Variants in NF1 observed in about 807,000 individuals in gnomAD.
NF1 encodes the protein neurofibromin 1.
Under a neutral mutation model 325.7 loss-of-function variants are expected in NF1, and 122 were observed. The observed-to-expected ratio is 0.37, with a 90% CI of 0.32 to 0.44. The LOEUF is 0.44. Ranked by LOEUF, NF1 falls within the 20% of genes least tolerant of loss-of-function variation. NF1 has a pLI of 1.00. For synonymous variants in NF1, 1,091 were observed against 1,186.0 expected (o/e 0.92, Z 1.65); for missense variants, 2,140 against 3,415.4 (o/e 0.63, Z 9.31).
intron 1 of NF1, among the ~76,000 whole-genome samples, chr17:31,105,857 A>G (rs1381464654): frequency 6.6e-6 from 1 of 152,146 alleles, no homozygotes; most frequent in Non-Finnish European, 1.5e-5. Context: ...TGCTCCACCT[A>G]ACTCCCGTGT....
At chr17:31,194,139 G>A (rs1025266243) in intron 8 of NF1, among the ~76,000 whole-genome samples, 2 of 152,136 alleles carry the variant, frequency 1.3e-5, no homozygotes, top group African/African-American at 4.8e-5. Context: ...ATCATCCTAA[G>A]TATCTAACAA....
intron 36 of NF1, among the ~76,000 whole-genome samples, chr17:31,277,504 T>C (rs1346717049): frequency 2.0e-5 from 3 of 152,176 alleles, no homozygotes; most frequent in Admixed American, 2.0e-4. Flanking sequence ...CATAACTACA[T>C]GCTGGACATC....
chr17:31,294,785 CATTA>C, intron 36 of NF1: 1 of 582,184 alleles, frequency 1.7e-6, no homozygotes, highest in Non-Finnish European at 3.0e-6. Flanking sequence ...AAAAGAAACT[CATTA>C]GTTTACTTAA....
chr17:31,366,429 T>C (rs1451228414), intron 57 of NF1, among the ~76,000 whole-genome samples: 1 of 152,210 alleles, frequency 6.6e-6, no homozygotes, highest in Non-Finnish European at 1.5e-5. Flanking sequence ...GCTTCTGTAA[T>C]GTAGACCTTC....
Position 31,352,375 on chromosome 17 carries a change from A to G in NF1, c.7576A>G (p.Met2526Val). 1 of 1,614,144 alleles carries G rather than the reference A, an allele frequency of 6.2e-7. No individual in the cohort carries two copies. The change falls in exon 51 of 58, where the codon ATG (methionine) becomes GTG (valine). Residue 2526 changes from methionine to valine, a missense_variant. Coordinates refer to ENST00000358273, the MANE Select transcript of NF1 (RefSeq NM_001042492.3). Reference sequence around the variant, plus strand: ...AGCCAGGAAATCCATGAGCCTGGACATGGGGCAACCTTCTCAGGCCAACAC... The same window carrying G: ...AGCCAGGAAATCCATGAGCCTGGACGTGGGGCAACCTTCTCAGGCCAACAC... ...PRARKSMSLD[M>V]GQPSQANTKK...
At chr17:31,187,721 C>T (rs1000634585) in intron 8 of NF1, among the ~76,000 whole-genome samples, 20 of 152,180 alleles carry the variant, frequency 1.3e-4, no homozygotes, top group Admixed American at 3.9e-4. Context: ...CACCATCACC[C>T]CTAGTGATCC....
intron 36 of NF1, chr17:31,294,880 G>A (rs570350326): frequency 2.5e-6 from 3 of 1,219,116 alleles, no homozygotes; most frequent in East Asian, 4.8e-5. Flanking sequence ...TTACATCAGA[G>A]TTAGAAATGT....
chr17:31,195,638 G>A (rs573661406), intron 8 of NF1, among the ~76,000 whole-genome samples: 11 of 151,988 alleles, frequency 7.2e-5, no homozygotes, highest in Middle Eastern at 6.8e-3. Context: ...TTTTTGACAT[G>A]GGCTTATTTT....
intron 39 of NF1, chr17:31,331,221 A>G (rs2069478002): frequency 6.6e-6 from 1 of 152,144 alleles, no homozygotes; most frequent in Admixed American, 6.6e-5. Flanking sequence ...GAGATGTAGG[A>G]CTATAACCCT....
chr17:31,341,238 T>A (rs181929082), intron 47 of NF1, among the ~76,000 whole-genome samples: 2 of 152,038 alleles, frequency 1.3e-5, no homozygotes, highest in Admixed American at 1.3e-4. Context: ...AAATATACCA[T>A]TAGTGGCCAG....
intron 1 of NF1, among the ~76,000 whole-genome samples, chr17:31,118,169 G>C (rs945616148): frequency 6.6e-6 from 1 of 152,126 alleles, no homozygotes; most frequent in African/African-American, 2.4e-5. Flanking sequence ...AAGAATTTTT[G>C]TGCCTAGAAA....
intron 47 of NF1, among the ~76,000 whole-genome samples, chr17:31,342,600 TTTGCAAATGGAGCATTGCAAA>T (rs1462535369): frequency 6.6e-6 from 1 of 152,098 alleles, no homozygotes; most frequent in African/African-American, 2.4e-5. Context: ...AAAAAGAATA[TTTGCAAATGGAGCATTGCAAA>T]TGGGGCATCT....
chr17:31,334,018 G>A (rs1021978055), intron 39 of NF1, among the ~76,000 whole-genome samples: 3 of 152,202 alleles, frequency 2.0e-5, no homozygotes, highest in African/African-American at 7.2e-5. Flanking sequence ...CAGGGGTGGT[G>A]GCTCACGCCT....
rs116639896 is a variant in NF1 at position 31,150,755 on chromosome 17, G to T, written c.61-5228G>T. On this transcript the variant is annotated intron_variant, in intron 1 of 57. Transcript: ENST00000358273. ...AGAAAACACAGTGATGCTCCGGCTG[G>T]GCACGGTGGCTCACGCCTGTAATCC... Among the ~76,000 whole-genome samples the T allele has an allele frequency of 4.0e-3, 613 of 152,104 alleles. 5 individuals carry two copies. Among genetic ancestry groups the T allele is most frequent in the African/African-American group, 0.014 (579 of 41,488 alleles).
chr17:31,353,936 T>C (rs2070211999), intron 51 of NF1, among the ~76,000 whole-genome samples: 3 of 152,226 alleles, frequency 2.0e-5, no homozygotes, highest in Non-Finnish European at 4.4e-5. Flanking sequence ...ACTAGCCACA[T>C]AGGTGTGTTA....
At chr17:31,149,281 C>A (rs548451386) in intron 1 of NF1, among the ~76,000 whole-genome samples, 1 of 150,796 alleles carries the variant, frequency 6.6e-6, no homozygotes, top group African/African-American at 2.5e-5. Flanking sequence ...TACATGTACA[C>A]ACACACACAT....
intron 39 of NF1, 92 bp downstream of exon 39, chr17:31,330,590 T>C (rs2069457971): frequency 1.0e-6 from 1 of 984,918 alleles, no homozygotes; most frequent in Non-Finnish European, 1.5e-6. Context: ...GTGAAGACTT[T>C]CACTTACATT....
chr17:31,235,951 G>A lies in NF1; in HGVS notation c.3904G>A (p.Asp1302Asn), dbSNP rs1597722958. Residue 1302 changes from aspartate to asparagine, a missense_variant, in exon 29 of 58, where the codon GAT becomes AAT. By Grantham distance (23) the Asp-to-Asn change is conservative (BLOSUM62 1). Coordinates refer to ENST00000358273, the MANE Select transcript of NF1 (RefSeq NM_001042492.3). ...TGCTACCTATCTACAAAAACTCCTG[G>A]ATCCTTTATTACGAATTGTGATCAC... is the stretch of plus-strand genomic sequence containing the variant. ...YGATYLQKLLDPLLRIVITSS... is the reference protein window; with the variant it reads ...YGATYLQKLLNPLLRIVITSS... 6.2e-7 allele frequency: 1 copy of A among 1,613,926 alleles called. No individual in the cohort carries two copies. The highest frequency in any genetic ancestry group is 8.5e-7 in the Non-Finnish European group (1 of 1,179,948).
At chr17:31,169,399 T>G (rs966558308) in intron 4 of NF1, among the ~76,000 whole-genome samples, 1 of 152,244 alleles carries the variant, frequency 6.6e-6, no homozygotes, top group African/African-American at 2.4e-5. Context: ...TGGTTTCTTT[T>G]ATCATATCCC....
Sources: gnomAD v4.1 joint callset for allele counts (sites outside exome capture counted in the v4.1 genomes callset) on GRCh38, gnomAD v4.1.1 for gene constraint, MANE v1.5 for transcripts, NCBI Gene and HGNC (gene_info 2026-07-23, HGNC 2026-07-21) for gene names.